Variants in SLC45A4 observed in about 807,000 individuals in gnomAD.
SLC45A4 encodes polyamine-transporter SLC45A4.
A neutral mutation model predicts 63.7 loss-of-function variants in SLC45A4; 32 were observed. The ratio of observed to expected loss-of-function variants is 0.50; its 90% CI spans 0.38 to 0.67. The LOEUF (loss-of-function observed/expected upper bound fraction) is 0.67. Among genes scored for constraint, SLC45A4 ranks in the 30% least tolerant of loss-of-function variants. The pLI is 0.00. For missense variants in SLC45A4, 1,027 were observed against 1,157.7 expected, an observed-to-expected ratio of 0.89 and a Z score of 1.64; for synonymous variants, 535 against 510.0, an observed-to-expected ratio of 1.05 and a Z score of -0.66.
chr8:141,263,769 C>CAAAA (rs67335309), intron 1 of SLC45A4, among the ~76,000 whole-genome samples: 1 of 89,134 alleles, frequency 1.1e-5, no homozygotes, highest in African/African-American at 4.2e-5. Context: ...GACTCCGTCT[C>CAAAA]AAAAAAAAAA....
chr8:141,270,902 CA>C (rs1245662340), intron 1 of SLC45A4, among the ~76,000 whole-genome samples: 1 of 152,184 alleles, frequency 6.6e-6, no homozygotes, highest in African/African-American at 2.4e-5. Flanking sequence ...TGTGTCTCCC[CA>C]GCCACGGCAA....
chr8:141,270,414 C>T (rs1004757416), intron 1 of SLC45A4, among the ~76,000 whole-genome samples: 2 of 150,688 alleles, frequency 1.3e-5, no homozygotes, highest in Admixed American at 1.3e-4. Context: ...TAGCTAACGC[C>T]TGTAATCCTA....
intron 2 of SLC45A4, among the ~76,000 whole-genome samples, chr8:141,242,778 G>T (rs1296085482): frequency 1.3e-5 from 2 of 152,166 alleles, no homozygotes; most frequent in African/African-American, 4.8e-5. Context: ...GCACAGGCCC[G>T]AGACTGGAGG....
At position 141,218,161 on chromosome 8, in the gene SLC45A4, C is replaced by A. The variant is rs144295839; in HGVS notation, c.1479G>T (p.Thr493=). The change falls in exon 5 of 9, where the codon ACG becomes ACT. Residue 493 remains threonine, a synonymous_variant. Coordinates refer to ENST00000517878, the MANE Select transcript of SLC45A4 (RefSeq NM_001286646.2). ...TESEEGEGET[T]VRLLWLSMLK... ...GCATGGAGAGCCACAGCAGGCGCAC[C>A]GTGGTCTCGCCCTCCCCCTCCTCAC... The A allele has an allele frequency of 2.5e-5, 41 of 1,608,114 alleles. No homozygotes were observed. Among genetic ancestry groups the A allele is most frequent in the Non-Finnish European group, 3.4e-5 (40 of 1,179,924 alleles).
intron 1 of SLC45A4, among the ~76,000 whole-genome samples, chr8:141,285,982 T>C (rs1295041055): frequency 6.6e-6 from 1 of 152,208 alleles, no homozygotes; most frequent in Non-Finnish European, 1.5e-5. Flanking sequence ...GGCCTGCGGT[T>C]GCCTGGGGTG....
At chr8:141,264,621 T>C (rs776738192) in intron 1 of SLC45A4, among the ~76,000 whole-genome samples, 1 of 152,164 alleles carries the variant, frequency 6.6e-6, no homozygotes, top group Non-Finnish European at 1.5e-5. Context: ...TAAACTAGCC[T>C]GGGGGGAGCC....
chr8:141,251,262 CT>C (rs1369882708), intron 2 of SLC45A4, among the ~76,000 whole-genome samples: 1 of 152,148 alleles, frequency 6.6e-6, no homozygotes, highest in African/African-American at 2.4e-5. Context: ...CAACTTCCCC[CT>C]GGCTAAGGTC....
Position 141,218,628 on chromosome 8 carries a change from C to T in SLC45A4, c.1012G>A (p.Ala338Thr), listed in dbSNP as rs371771709. ...CTGCGGGGGGTGGCGGGGTAGGAGG[C>T]GTCGTGGAAGATGGAGGGCTCGATG... is the stretch of plus-strand genomic sequence containing the variant. The part of the protein sequence containing the change: ...HDIEPSIFHD[A>T]SYPATPRSTS... The change falls in exon 5 of 9, where the codon GCC (alanine) becomes ACC (threonine). Residue 338 changes from alanine to threonine, a missense_variant. Transcript: ENST00000517878. The T allele has an allele frequency of 1.9e-5, 30 of 1,613,152 alleles. No homozygotes were observed. The highest frequency in any genetic ancestry group is 5.0e-5 in the Admixed American group (3 of 59,992).
At chr8:141,240,795 A>C (rs1363403215) in intron 2 of SLC45A4, among the ~76,000 whole-genome samples, 2 of 152,208 alleles carry the variant, frequency 1.3e-5, no homozygotes, top group Admixed American at 1.3e-4. Context: ...CTGTGATTGG[A>C]TCCTAGCTCT....
intron 2 of SLC45A4, among the ~76,000 whole-genome samples, chr8:141,224,084 T>G (rs1826830719): frequency 6.6e-6 from 1 of 152,194 alleles, no homozygotes; most frequent in Non-Finnish European, 1.5e-5. Context: ...CTCTCCTTAT[T>G]ACACTTACAC....
intron 6 of SLC45A4, among the ~76,000 whole-genome samples, chr8:141,216,305 C>T (rs1317049296): frequency 6.6e-6 from 1 of 152,242 alleles, no homozygotes. Flanking sequence ...TGGCCGTACA[C>T]CCAGGACGAT....
At chr8:141,258,229 A>T (rs1828891996) in intron 1 of SLC45A4, among the ~76,000 whole-genome samples, 1 of 152,002 alleles carries the variant, frequency 6.6e-6, no homozygotes. Context: ...TCTCTCTAAC[A>T]GGAAAGAAGG....
At chr8:141,236,880 G>T (rs1402196833) in intron 2 of SLC45A4, among the ~76,000 whole-genome samples, 1 of 152,004 alleles carries the variant, frequency 6.6e-6, no homozygotes, top group African/African-American at 2.4e-5. Context: ...CTGGCCAGAG[G>T]GTAGCACTAA....
At position 141,229,115 on chromosome 8, in the gene SLC45A4, A is replaced by G. The variant is rs1047337541; in HGVS notation, c.242-7350T>C. On this transcript the variant is annotated intron_variant, in intron 2 of 8. Coordinates refer to ENST00000517878, the MANE Select transcript of SLC45A4 (RefSeq NM_001286646.2). The surrounding 1 kb of genome is among the most constrained non-coding windows in gnomAD (Gnocchi z 5.0). ...ACCTTCCCCCCTTACCTGACATTCAATAACTGCTTAGTGCCCTTAAAAGAG... is the reference window on the plus strand; with the variant it reads ...ACCTTCCCCCCTTACCTGACATTCAGTAACTGCTTAGTGCCCTTAAAAGAG... 1.3e-5 allele frequency among the ~76,000 whole-genome samples: 2 copies of G among 152,120 alleles called. No individual in the cohort carries two copies. Among genetic ancestry groups the G allele is most frequent in the African/African-American group, 4.8e-5 (2 of 41,414 alleles).
At chr8:141,266,310 T>C (rs1829263158) in intron 1 of SLC45A4, among the ~76,000 whole-genome samples, 1 of 152,142 alleles carries the variant, frequency 6.6e-6, no homozygotes, top group African/African-American at 2.4e-5. Flanking sequence ...GGGCGGCACA[T>C]GCTGATGAGG....
intron 1 of SLC45A4, among the ~76,000 whole-genome samples, chr8:141,282,231 G>A (rs919871): frequency 0.31 from 47,328 of 151,946 alleles, 7,933 homozygotes; most frequent in East Asian, 0.4. Context: ...GGGAGGCCAA[G>A]GGGGGGCCCT....
chr8:141,256,578 T>C lies in SLC45A4; in HGVS notation c.-400-1949A>G, dbSNP rs1294241385. ...TACAGGAGGTTCTGGAAGGAAGCCGTGCGCCTGGCTCTTACGTCCCAGCTC... is the reference window on the plus strand; with the variant it reads ...TACAGGAGGTTCTGGAAGGAAGCCGCGCGCCTGGCTCTTACGTCCCAGCTC... On this transcript the variant is annotated intron_variant, in intron 1 of 8. Coordinates refer to ENST00000517878, the MANE Select transcript of SLC45A4 (RefSeq NM_001286646.2). This position sits in a 1 kb window ranked among gnomAD's most constrained non-coding sequence, Gnocchi z 4.3. The C allele has an allele frequency of 2.2e-6, 1 of 456,250 alleles. No homozygotes were observed. The highest frequency in any genetic ancestry group is 4.4e-6 in the Non-Finnish European group (1 of 226,970). 28.3% of individuals were successfully genotyped at this position (456,250 alleles called of 1,614,324 possible). A position where few individuals can be genotyped will look rare whatever the true frequency, so the allele number is the denominator to read the frequency against.
At chr8:141,223,415 G>C (rs1174451138) in intron 2 of SLC45A4, among the ~76,000 whole-genome samples, 3 of 152,200 alleles carry the variant, frequency 2.0e-5, no homozygotes. Flanking sequence ...TCTCAGAAAA[G>C]TCTCTTTATC....
At chr8:141,286,772 G>A (rs903697504) in intron 1 of SLC45A4, among the ~76,000 whole-genome samples, 2 of 64,850 alleles carry the variant, frequency 3.1e-5, no homozygotes, top group African/African-American at 1.2e-4. Context: ...CCCATACCAC[G>A]GCCTCCAACC....
Sources: gnomAD v4.1 joint callset for allele counts (sites outside exome capture counted in the v4.1 genomes callset) on GRCh38, gnomAD v4.1.1 for gene constraint, Gnocchi (gnomAD v3.1) non-coding constraint, MANE v1.5 for transcripts, NCBI Gene and HGNC (gene_info 2026-07-23, HGNC 2026-07-21) for gene names.